NDOR1: variants seen among roughly 807,000 people sequenced by gnomAD.
NDOR1 encodes NADPH-dependent diflavin oxidoreductase 1.
In NDOR1, 61 loss-of-function variants were observed where a neutral mutation model predicts 67.2. The observed-to-expected ratio is 0.91, with a 90% CI of 0.74 to 1.12. The LOEUF is 1.12. Ranked by LOEUF, NDOR1 falls within the 50% of genes most tolerant of loss-of-function variation. NDOR1 has a pLI of 0.00. For missense variants in NDOR1, 878 were observed against 802.8 expected, an observed-to-expected ratio of 1.09 and a Z score of -1.13; for synonymous variants, 378 against 343.7, an observed-to-expected ratio of 1.10 and a Z score of -1.10.
Position 137,212,495 on chromosome 9 carries a change from G to T in NDOR1, c.214-7G>T. 1 of 1,613,538 alleles carries T rather than the reference G, an allele frequency of 6.2e-7. No individual in the cohort carries two copies. The highest frequency in any genetic ancestry group is 1.1e-5 in the South Asian group (1 of 91,076). ...GGACTCTGACTCAGAGTTTCCTCCG[G>T]CTGTAGAACTTCTGGAGGTTTATAT... On this transcript the variant is annotated splice_polypyrimidine_tract_variant and splice_region_variant and intron_variant, in intron 2 of 13. Coordinates refer to ENST00000684003, the MANE Select transcript of NDOR1 (RefSeq NM_014434.4). This position sits in a 1 kb window ranked among gnomAD's most constrained non-coding sequence, Gnocchi z 4.3.
rs1469094061 is a variant in NDOR1 at position 137,218,557 on chromosome 9, G to A, written c.*2141G>A. 7 of 399,970 alleles carry A rather than the reference G, an allele frequency of 1.8e-5. No homozygotes were observed. The highest frequency in any genetic ancestry group is 3.1e-5 in the Non-Finnish European group (7 of 227,320). 24.8% of individuals were successfully genotyped at this position (399,970 alleles called of 1,614,324 possible). A position where few individuals can be genotyped will look rare whatever the true frequency, so the allele number is the denominator to read the frequency against. ...TGCTGCTGGTCTTCACGCCGCTCCT[G>A]CTGCTGGGACTGCTCTTCGTGCTCC... On this transcript the variant is annotated 3_prime_UTR_variant, in exon 14 of 14. Transcript: ENST00000684003.
intron 2 of NDOR1, among the ~76,000 whole-genome samples, chr9:137,208,018 G>A (rs1006132220): frequency 1.3e-5 from 2 of 151,630 alleles, no homozygotes; most frequent in African/African-American, 4.9e-5. Context: ...GCAGTGGTGC[G>A]TGCCTGTAAT....
intron 7 of NDOR1, 33 bp downstream of exon 7, chr9:137,214,724 C>A: frequency 6.3e-7 from 1 of 1,598,904 alleles, no homozygotes; most frequent in Non-Finnish European, 8.5e-7. Context: ...TGACTCTCTG[C>A]CCTCTCCCGT....
chr9:137,209,597 C>G (rs1007559157), intron 2 of NDOR1, among the ~76,000 whole-genome samples: 2 of 152,186 alleles, frequency 1.3e-5, no homozygotes, highest in African/African-American at 4.8e-5. Flanking sequence ...GGCCCATGGC[C>G]TCAGAGGCAG....
rs986133982 is a variant in NDOR1, at chr9:137,212,634, A to C, written c.311+35A>C. On this transcript the variant is annotated intron_variant, in intron 3 of 13. Coordinates refer to ENST00000684003, the MANE Select transcript of NDOR1 (RefSeq NM_014434.4). This position sits in a 1 kb window ranked among gnomAD's most constrained non-coding sequence, Gnocchi z 4.3. ...GGATGGGACAGTGGGCGGACGGAACAGTTCTGGGGGTCGAGCAACAGGTGT... is the reference window on the plus strand; with the variant it reads ...GGATGGGACAGTGGGCGGACGGAACCGTTCTGGGGGTCGAGCAACAGGTGT... 2 of 1,577,230 alleles carry C rather than the reference A, an allele frequency of 1.3e-6. No homozygotes were observed. The highest frequency in any genetic ancestry group is 1.7e-5 in the Admixed American group (1 of 59,936).
In NDOR1 at chr9:137,217,330, G is replaced by C. The variant is rs547075806; in HGVS notation, c.*914G>C. 6.5e-6 allele frequency: 1 copy of C among 152,726 alleles called. No individual in the cohort carries two copies. The highest frequency in any genetic ancestry group is 6.5e-5 in the Admixed American group (1 of 15,312). 9.5% of individuals were successfully genotyped at this position (152,726 alleles called of 1,614,324 possible). ...GATCTGATCGCCAGGACTGCGTTCT[G>C]GGCAGGTGCTGGGAAGGCGGAACCA... On this transcript the variant is annotated 3_prime_UTR_variant, in exon 14 of 14. Transcript: ENST00000684003.
At position 137,206,253 on chromosome 9, in the gene NDOR1, C is replaced by T. The variant is rs2131361271; in HGVS notation, c.157C>T (p.Leu53=). Residue 53 remains leucine, a synonymous_variant, in exon 2 of 14, where the codon CTG becomes TTG. Coordinates refer to ENST00000684003, the MANE Select transcript of NDOR1 (RefSeq NM_014434.4). ...YPVVNLINEP[L]VIFVCATTGQ... ...TGAGGTGAATCTGATTAACGAGCCC[C>T]TGGTGATATTTGTTTGTGCAACTAC... is the stretch of plus-strand genomic sequence containing the variant. 2 of 1,614,002 alleles carry T rather than the reference C, an allele frequency of 1.2e-6. No homozygotes were observed. The highest frequency in any genetic ancestry group is 2.2e-5 in the East Asian group (1 of 44,892).
intron 3 of NDOR1, 67 bp from the exon 4 acceptor site, chr9:137,213,713 T>C: frequency 1.6e-5 from 24 of 1,495,178 alleles, no homozygotes; most frequent in Non-Finnish European, 1.8e-5. Context: ...TCTCCCGGGT[T>C]CCACTCTGCC....
rs1184668622 is a variant in NDOR1 at position 137,216,929 on chromosome 9, G to C, written c.*513G>C. ...GATGCCAGCTCCTTGAGAGCAGTGG[G>C]GGTGTCCCAGGCCAGAGCAGCCTCT... On this transcript the variant is annotated 3_prime_UTR_variant, in exon 14 of 14. Transcript: ENST00000684003. 1 of 188,674 alleles carries C rather than the reference G, an allele frequency of 5.3e-6. No individual in the cohort carries two copies. The highest frequency in any genetic ancestry group is 1.1e-5 in the Non-Finnish European group (1 of 90,022). The allele number at this position is 188,674 out of a possible 1,614,324, so 11.7% of individuals were successfully genotyped here. A position where few individuals can be genotyped will look rare whatever the true frequency, so the allele number is the denominator to read the frequency against.
chr9:137,211,511 A>G (rs1387161284), intron 2 of NDOR1, among the ~76,000 whole-genome samples: 1 of 152,094 alleles, frequency 6.6e-6, no homozygotes, highest in Non-Finnish European at 1.5e-5. Context: ...AGTCACAAGA[A>G]TGTTCTCTCC....
chr9:137,212,055 G>A lies in NDOR1; in HGVS notation c.214-447G>A, dbSNP rs1172424822. Among the ~76,000 whole-genome samples the A allele has an allele frequency of 6.6e-6, 1 of 152,192 alleles. No homozygotes were observed. The highest frequency in any genetic ancestry group is 2.4e-5 in the African/African-American group (1 of 41,436). ...CTTGGGATGGACCTCAGAGGTCTGA[G>A]TATAGGAGCCTCTGGGACAGACCAA... On this transcript the variant is annotated intron_variant, in intron 2 of 13. Coordinates refer to ENST00000684003, the MANE Select transcript of NDOR1 (RefSeq NM_014434.4). The surrounding 1 kb of genome is among the most constrained non-coding windows in gnomAD (Gnocchi z 4.3).
At position 137,213,961 on chromosome 9, in the gene NDOR1, T is replaced by C. The variant is rs1331546682; in HGVS notation, c.411-6T>C. 5.1e-6 allele frequency: 8 copies of C among 1,565,166 alleles called. No homozygotes were observed. The highest frequency in any genetic ancestry group is 2.3e-5 in the South Asian group (2 of 85,774). ...CGCTCAGGCCAGCGCACGTGCTCCC[T>C]CCCAGGCCCGACGCTGCTGTGGACC... is the stretch of plus-strand genomic sequence containing the variant. On this transcript the variant is annotated splice_region_variant and splice_polypyrimidine_tract_variant and intron_variant, in intron 4 of 13. Coordinates refer to ENST00000684003, the MANE Select transcript of NDOR1 (RefSeq NM_014434.4).
In NDOR1 at chr9:137,218,208, G is replaced by A. The variant is rs1017306950; in HGVS notation, c.*1792G>A. ...TCCAGTGCCGACCTGGGCCGGGTGC[G>A]CTGCCCGCTGTGCCGCCAGAAGACG... On this transcript the variant is annotated 3_prime_UTR_variant, in exon 14 of 14. Transcript: ENST00000684003. The A allele has an allele frequency of 8.5e-5, 34 of 398,300 alleles. No homozygotes were observed. The highest frequency in any genetic ancestry group is 1.2e-4 in the Non-Finnish European group (27 of 225,924). 24.7% of individuals were successfully genotyped at this position (398,300 alleles called of 1,614,324 possible).
At chr9:137,215,054 T>C in intron 8 of NDOR1, 36 bp downstream of exon 8, 2 of 1,613,036 alleles carry the variant, frequency 1.2e-6, no homozygotes, top group South Asian at 2.2e-5. Context: ...GCCCCTGAGC[T>C]ACAGCCACGC....
rs1835624725 is a variant in NDOR1 at position 137,216,695 on chromosome 9, T to C, written c.*279T>C. On this transcript the variant is annotated 3_prime_UTR_variant, in exon 14 of 14. Transcript: ENST00000684003. ...CCCACCCCCTTCCCAGTCAAGGTGG[T>C]GGCCTGGGCCGCTCCACCTCACCGG... 3 of 495,354 alleles carry C rather than the reference T, an allele frequency of 6.1e-6. No individual in the cohort carries two copies. The Admixed American group carries it at 1.0e-4, about 17-fold the overall frequency. 30.7% of individuals were successfully genotyped at this position (495,354 alleles called of 1,614,324 possible). A position where few individuals can be genotyped will look rare whatever the true frequency, so the allele number is the denominator to read the frequency against.
At chr9:137,210,685 AAAT>A (rs1348738295) in intron 2 of NDOR1, among the ~76,000 whole-genome samples, 3 of 152,184 alleles carry the variant, frequency 2.0e-5, no homozygotes, top group East Asian at 1.9e-4. Flanking sequence ...TCTACAAACA[AAAT>A]AATAATAAAT....
rs1835298762 is a variant in NDOR1, at chr9:137,212,317, C to T, written c.214-185C>T. On this transcript the variant is annotated intron_variant, in intron 2 of 13. Transcript: ENST00000684003. This position sits in a 1 kb window ranked among gnomAD's most constrained non-coding sequence, Gnocchi z 4.3. ...CTCCCTAGACGCTGGACCAGCCCTG[C>T]CTCCTCCCGGTGCCCATCATCCTGC... Among the ~76,000 whole-genome samples the T allele has an allele frequency of 6.6e-6, 1 of 152,098 alleles. No individual in the cohort carries two copies. Among genetic ancestry groups the T allele is most frequent in the Non-Finnish European group, 1.5e-5 (1 of 68,008 alleles).
Position 137,218,902 on chromosome 9 carries a change from AC to A in NDOR1, c.*2490del, listed in dbSNP as rs1835760359. 1 of 347,670 alleles carries A rather than the reference AC, an allele frequency of 2.9e-6. No individual in the cohort carries two copies. Among genetic ancestry groups the A allele is most frequent in the South Asian group, 1.5e-4 (1 of 6,546 alleles). 21.5% of individuals were successfully genotyped at this position (347,670 alleles called of 1,614,324 possible). A position where few individuals can be genotyped will look rare whatever the true frequency, so the allele number is the denominator to read the frequency against. On this transcript the variant is annotated 3_prime_UTR_variant, in exon 14 of 14. Transcript: ENST00000684003. ...CCCAGCAGGAAAGTCTGTGAGCAGGACCCCATTCACCCTGCGGCAGACGGGC... is the reference window on the plus strand; with the variant it reads ...CCCAGCAGGAAAGTCTGTGAGCAGGACCCATTCACCCTGCGGCAGACGGGC...
In NDOR1 at chr9:137,214,987, A is replaced by G. The variant is rs558314635; in HGVS notation, c.1034A>G (p.Tyr345Cys). Residue 345 changes from tyrosine (Y) to cysteine (C), a missense_variant, in exon 8 of 14, where the codon TAC becomes TGC. Coordinates refer to ENST00000684003, the MANE Select transcript of NDOR1 (RefSeq NM_014434.4). ...CAAGGCCAGGAGGAGCTCTTTGAAT[A>G]CTGCAACCGGCCCCGCAGGACCATC... ...SAQGQEELFE[Y>C]CNRPRRTILE... 3 of 1,613,224 alleles carry G rather than the reference A, an allele frequency of 1.9e-6. No individual in the cohort carries two copies. Among genetic ancestry groups the G allele is most frequent in the South Asian group, 1.1e-5 (1 of 91,058 alleles).
Sources: allele counts gnomAD v4.1 joint callset (sites outside exome capture counted in the v4.1 genomes callset), GRCh38; gene constraint gnomAD v4.1.1; non-coding constraint Gnocchi (gnomAD v3.1); transcripts MANE v1.5; gene names NCBI Gene and HGNC (gene_info 2026-07-23, HGNC 2026-07-21).